The following LRP2 variants were observed in gnomAD, a reference collection of about 807,000 sequenced individuals.
LRP2 encodes low-density lipoprotein receptor-related protein 2.
In LRP2, 172 loss-of-function variants were observed where a neutral mutation model predicts 531.0. That is an observed-to-expected ratio of 0.32 (90% confidence interval 0.29 to 0.37). The LOEUF is 0.37. LRP2 is among the 10% of genes least tolerant of loss of function. The pLI is 1.00. For synonymous variants in LRP2, 1,992 were observed against 2,027.6 expected, an observed-to-expected ratio of 0.98 and a Z score of 0.47; for missense variants, 5,167 against 5,868.3, an observed-to-expected ratio of 0.88 and a Z score of 3.90.
intron 34 of LRP2, among the ~76,000 whole-genome samples, chr2:169,220,210 G>C (rs1688939125): frequency 6.6e-6 from 1 of 152,142 alleles, no homozygotes; most frequent in South Asian, 2.1e-4. Flanking sequence ...ATTCTTGCTT[G>C]TTTGGAATTA....
intron 25 of LRP2, 55 bp downstream of exon 25, chr2:169,240,933 C>T: frequency 6.3e-7 from 1 of 1,598,794 alleles, no homozygotes; most frequent in South Asian, 1.1e-5. Flanking sequence ...TGATGCACAC[C>T]AGGCTACTGT....
At chr2:169,141,866 T>C (rs1238533274) in intron 71 of LRP2, among the ~76,000 whole-genome samples, 1 of 152,110 alleles carries the variant, frequency 6.6e-6, no homozygotes, top group African/African-American at 2.4e-5. Context: ...GAAACAGTTT[T>C]TTCTCCCTGG....
rs1275337780 is a variant in LRP2 at position 169,127,279 on chromosome 2, C to G, written c.*1384G>C. The G allele has an allele frequency of 6.6e-6, 1 of 152,404 alleles. No individual in the cohort carries two copies. The highest frequency in any genetic ancestry group is 1.9e-4 in the East Asian group (1 of 5,194). The allele number at this position is 152,404 out of a possible 1,614,324, so 9.4% of individuals were successfully genotyped here. ...TCATTCATTCATCCATCCATCCATC[C>G]ATCCATTCATTCATTGTTTAACAAA... On this transcript the variant is annotated 3_prime_UTR_variant, in exon 79 of 79. Coordinates refer to ENST00000649046, the MANE Select transcript of LRP2 (RefSeq NM_004525.3).
chr2:169,334,162 G>A (rs1280166896), intron 1 of LRP2, among the ~76,000 whole-genome samples: 1 of 152,150 alleles, frequency 6.6e-6, no homozygotes, highest in Non-Finnish European at 1.5e-5. Context: ...TGCCTAATCT[G>A]TGTTTTAAAT....
In LRP2 at chr2:169,194,713, A is replaced by T. The variant is rs545421232; in HGVS notation, c.8699-821T>A. 3.4e-5 allele frequency among the ~76,000 whole-genome samples: 5 copies of T among 145,086 alleles called. No individual in the cohort carries two copies. The South Asian group carries it at 1.1e-3, about 31-fold the overall frequency. On this transcript the variant is annotated intron_variant, in intron 46 of 78. Coordinates refer to ENST00000649046, the MANE Select transcript of LRP2 (RefSeq NM_004525.3). ...CTATGAAAAGTGTGTACATTGATCCAGACTTTTTTTTTTTTTTTTTTTTTT... is the reference window on the plus strand; with the variant it reads ...CTATGAAAAGTGTGTACATTGATCCTGACTTTTTTTTTTTTTTTTTTTTTT...
At chr2:169,281,468 C>A (rs1385278532) in intron 10 of LRP2, among the ~76,000 whole-genome samples, 2 of 149,358 alleles carry the variant, frequency 1.3e-5, no homozygotes, top group Non-Finnish European at 3.0e-5. Context: ...TGCCTGTAAT[C>A]CCAGCACTTT....
At chr2:169,337,210 G>A (rs1450684138) in intron 1 of LRP2, among the ~76,000 whole-genome samples, 1 of 152,132 alleles carries the variant, frequency 6.6e-6, no homozygotes, top group Non-Finnish European at 1.5e-5. Context: ...ACGGGTGTTT[G>A]CACTTTCAGC....
At position 169,188,236 on chromosome 2, in the gene LRP2, T is replaced by G. The variant is rs1181645712; in HGVS notation, c.9062A>C (p.Tyr3021Ser). ...GTATAAGCAGCCCCTCTCGTCGCTA[T>G]AGTCACCACAGTCATTGTGCCGGTC... ...RCDRHNDCGD[Y>S]SDERGCLYQT... Residue 3021 changes from tyrosine (Y) to serine (S), a missense_variant, in exon 49 of 79, where the codon TAT becomes TCT. By Grantham distance (144) the Tyr-to-Ser change is moderately radical. Coordinates refer to ENST00000649046, the MANE Select transcript of LRP2 (RefSeq NM_004525.3). 1.2e-6 allele frequency: 2 copies of G among 1,614,180 alleles called. No individual in the cohort carries two copies. Among genetic ancestry groups the G allele is most frequent in the South Asian group, 1.1e-5 (1 of 91,074 alleles).
chr2:169,176,653 G>A, intron 53 of LRP2, 65 bp from the exon 54 acceptor site: 1 of 1,393,104 alleles, frequency 7.2e-7, no homozygotes, highest in Non-Finnish European at 1.0e-6. Flanking sequence ...CAGATTAGCT[G>A]ATTACACATC....
In LRP2 at chr2:169,272,944, T is replaced by G; in HGVS notation, c.2099A>C (p.Asp700Ala). Residue 700 changes from aspartate (D) to alanine (A), a missense_variant, in exon 15 of 79, where the codon GAT (aspartate) becomes GCT (alanine). Coordinates refer to ENST00000649046, the MANE Select transcript of LRP2 (RefSeq NM_004525.3). ...CTTCTTACCAATGCAGTGGCGCTCATCTGTATCCAGTTGGAAGCCGAATGT... is the reference window on the plus strand; with the variant it reads ...CTTCTTACCAATGCAGTGGCGCTCAGCTGTATCCAGTTGGAAGCCGAATGT... ...KCTFGFQLDT[D>A]ERHCIAVQNF... 1 of 1,613,728 alleles carries G rather than the reference T, an allele frequency of 6.2e-7. No homozygotes were observed. The highest frequency in any genetic ancestry group is 8.5e-7 in the Non-Finnish European group (1 of 1,179,732).
At chr2:169,308,014 C>T (rs1054890787) in intron 3 of LRP2, among the ~76,000 whole-genome samples, 1 of 152,000 alleles carries the variant, frequency 6.6e-6, no homozygotes, top group Admixed American at 6.6e-5. Context: ...AACTGATGCC[C>T]GCAAGCATGA....
intron 4 of LRP2, among the ~76,000 whole-genome samples, chr2:169,299,151 GAAAGAAAAAAAGAAAGAAAGAAAA>G (rs1684221501): frequency 2.4e-4 from 8 of 33,122 alleles, no homozygotes; most frequent in Admixed American, 7.7e-4. Context: ...AAGAAAGAAA[GAAAGAAAAAAAGAAAGAAAGAAAA>G]AGAAAGAAAG....
intron 1 of LRP2, among the ~76,000 whole-genome samples, chr2:169,361,340 G>GTCTCTGTCTCTCTCTCTCTC (rs1686146489): frequency 4.3e-5 from 1 of 23,272 alleles, no homozygotes; most frequent in Non-Finnish European, 8.9e-5. Context: ...GTCTCTCTCT[G>GTCTCTGTCTCTCTCTCTCTC]TCTCTCTCTG....
intron 1 of LRP2, among the ~76,000 whole-genome samples, chr2:169,336,014 C>CAA (rs573316085): frequency 9.8e-5 from 7 of 71,622 alleles, no homozygotes; most frequent in African/African-American, 1.5e-4. Flanking sequence ...GACTTCATCT[C>CAA]AAAAAAAAAA....
intron 6 of LRP2, among the ~76,000 whole-genome samples, chr2:169,293,092 T>C (rs1281047407): frequency 1.3e-5 from 2 of 152,156 alleles, no homozygotes; most frequent in African/African-American, 4.8e-5. Context: ...CATTGAAAAT[T>C]AGGGTGATAT....
intron 45 of LRP2, among the ~76,000 whole-genome samples, chr2:169,197,774 T>C (rs1179920431): frequency 6.6e-6 from 1 of 152,184 alleles, no homozygotes; most frequent in East Asian, 1.9e-4. Context: ...TCTAGCCCTA[T>C]CTGGTGGCTG....
At chr2:169,309,787 G>C (rs1187528411) in intron 3 of LRP2, among the ~76,000 whole-genome samples, 1 of 152,076 alleles carries the variant, frequency 6.6e-6, no homozygotes, top group Non-Finnish European at 1.5e-5. Flanking sequence ...TGATGGGGAT[G>C]GCATTGAATC....
chr2:169,357,095 G>A (rs1023348346), intron 1 of LRP2, among the ~76,000 whole-genome samples: 3 of 151,968 alleles, frequency 2.0e-5, no homozygotes, highest in East Asian at 1.9e-4. Context: ...AATAGGATAC[G>A]ATAGAACCAT....
chr2:169,278,482 T>C (rs1323892569), intron 12 of LRP2, among the ~76,000 whole-genome samples: 1 of 151,518 alleles, frequency 6.6e-6, no homozygotes, highest in East Asian at 1.9e-4. Context: ...AGAACCTGTC[T>C]CAAAAAAAAA....
Sources: gnomAD v4.1 joint callset for allele counts (sites outside exome capture counted in the v4.1 genomes callset) on GRCh38, gnomAD v4.1.1 for gene constraint, MANE v1.5 for transcripts, NCBI Gene and HGNC (gene_info 2026-07-23, HGNC 2026-07-21) for gene names.